Variants in JAM3 observed in about 807,000 individuals in gnomAD.
JAM3 encodes the protein junctional adhesion molecule 3, also known as junctional adhesion molecule C.
A neutral mutation model predicts 39.4 loss-of-function variants in JAM3; 31 were observed. The observed-to-expected ratio is 0.79, with a 90% CI of 0.59 to 1.06. JAM3 has a LOEUF of 1.06. JAM3 is among the 50% of genes least tolerant of loss of function. The probability of loss-of-function intolerance (pLI) is 0.00; values close to 1 mark genes in which losing one functional copy is unlikely to be tolerated. For missense variants in JAM3, 455 were observed against 391.4 expected, an observed-to-expected ratio of 1.16 and a Z score of -1.37; for synonymous variants, 182 against 148.7, an observed-to-expected ratio of 1.22 and a Z score of -1.63.
intron 1 of JAM3, among the ~76,000 whole-genome samples, chr11:134,104,241 C>G (rs1469759108): frequency 4.6e-5 from 7 of 152,150 alleles, no homozygotes; most frequent in Admixed American, 3.9e-4. Flanking sequence ...ACTGAACAAC[C>G]TGCTCCTGAA....
At chr11:134,077,123 C>T (rs1941583078) in intron 1 of JAM3, among the ~76,000 whole-genome samples, 1 of 152,106 alleles carries the variant, frequency 6.6e-6, no homozygotes, top group Non-Finnish European at 1.5e-5. Flanking sequence ...GCATGAGGCA[C>T]TGCACCCGGC....
At chr11:134,074,139 A>G (rs183864077) in intron 1 of JAM3, among the ~76,000 whole-genome samples, 2 of 152,360 alleles carry the variant, frequency 1.3e-5, no homozygotes, top group East Asian at 3.9e-4. Flanking sequence ...CGATTACACA[A>G]AACATCTATG....
At position 134,128,081 on chromosome 11, in the gene JAM3, G is replaced by A. The variant is rs573935797; in HGVS notation, c.77-11770G>A. On this transcript the variant is annotated intron_variant, in intron 1 of 8. Transcript: ENST00000299106. ...GTTGCTTACAGTTTAAAAAAAAAAG[G>A]AAAAGAAAGAAAAAAGAAAGGTTTT... Among the ~76,000 whole-genome samples the A allele has an allele frequency of 1.5e-4, 23 of 152,058 alleles. 1 individual carries two copies. Among genetic ancestry groups the A allele is most frequent in the Non-Finnish European group, 3.1e-4 (21 of 67,960 alleles).
chr11:134,142,318 T>A (rs944950009), intron 3 of JAM3, among the ~76,000 whole-genome samples: 34 of 151,948 alleles, frequency 2.2e-4, no homozygotes, highest in African/African-American at 8.2e-4. Flanking sequence ...CCTGGTGGGG[T>A]TTATTTACTC....
intron 1 of JAM3, among the ~76,000 whole-genome samples, chr11:134,125,162 C>G (rs1313843380): frequency 2.6e-5 from 4 of 152,220 alleles, no homozygotes; most frequent in Non-Finnish European, 4.4e-5. Context: ...GGCTACAGCC[C>G]GGCCGATCGT....
intron 1 of JAM3, among the ~76,000 whole-genome samples, chr11:134,120,584 C>A (rs1276621094): frequency 6.6e-6 from 1 of 152,202 alleles, no homozygotes; most frequent in Non-Finnish European, 1.5e-5. Context: ...ATGTTGGAAG[C>A]CTCCCGTCTC....
Position 134,099,764 on chromosome 11 carries a change from G to A in JAM3, c.76+30605G>A, listed in dbSNP as rs529657881. On this transcript the variant is annotated intron_variant, in intron 1 of 8. Coordinates refer to ENST00000299106, the MANE Select transcript of JAM3 (RefSeq NM_032801.5). ...TGGGATTACAGGTGTGCGCCACCAC[G>A]CCTGGCTAATTTTTGAATTTTTAGT... is the stretch of plus-strand genomic sequence containing the variant. 4.1e-4 allele frequency among the ~76,000 whole-genome samples: 62 copies of A among 152,168 alleles called. 1 individual carries two copies. The highest frequency in any genetic ancestry group is 1.2e-3 in the African/African-American group (51 of 41,502).
At position 134,144,975 on chromosome 11, in the gene JAM3, A is replaced by C; in HGVS notation, c.593A>C (p.Asn198Thr). ...PRFRNSSFHL[N>T]SETGTLVFTA... ...TTTCGCAATTCTTCTTTCCACTTAA[A>C]CTCTGAAACAGGCACTTTGGTAAGA... Residue 198 changes from asparagine (N) to threonine (T), a missense_variant, in exon 5 of 9, where the codon AAC (asparagine) becomes ACC (threonine). Asn to Thr is a moderately conservative substitution (Grantham distance 65). Transcript: ENST00000299106. The C allele has an allele frequency of 3.7e-6, 6 of 1,613,874 alleles. No homozygotes were observed. The highest frequency in any genetic ancestry group is 5.1e-6 in the Non-Finnish European group (6 of 1,179,828).
At chr11:134,127,644 G>A (rs1440211215) in intron 1 of JAM3, among the ~76,000 whole-genome samples, 1 of 152,250 alleles carries the variant, frequency 6.6e-6, no homozygotes, top group African/African-American at 2.4e-5. Flanking sequence ...AGGTTGCAAT[G>A]AGCTGAGATT....
intron 1 of JAM3, among the ~76,000 whole-genome samples, chr11:134,136,417 T>A (rs2120838583): frequency 6.6e-6 from 1 of 152,346 alleles, no homozygotes; most frequent in East Asian, 1.9e-4. Flanking sequence ...GTTAGATTTG[T>A]GCCTTCCAAT....
intron 2 of JAM3, 84 bp from the exon 3 acceptor site, chr11:134,140,573 A>G: frequency 8.9e-7 from 1 of 1,126,608 alleles, no homozygotes; most frequent in African/African-American, 1.5e-5. Context: ...GGCCTCTTGA[A>G]TTAGAGCTTG....
chr11:134,072,454 G>A (rs951212379), intron 1 of JAM3, among the ~76,000 whole-genome samples: 21 of 151,956 alleles, frequency 1.4e-4, no homozygotes, highest in African/African-American at 4.8e-4. Context: ...TTACAGATGC[G>A]TGCCACCTTG....
chr11:134,123,237 A>G (rs763549252), intron 1 of JAM3, among the ~76,000 whole-genome samples: 6 of 152,162 alleles, frequency 3.9e-5, no homozygotes, highest in Non-Finnish European at 5.9e-5. Context: ...TTATTTATTT[A>G]AAAGTGCCCA....
intron 1 of JAM3, among the ~76,000 whole-genome samples, chr11:134,076,878 A>G (rs969149660): frequency 7.7e-6 from 1 of 129,264 alleles, no homozygotes; most frequent in Non-Finnish European, 1.5e-5. Context: ...CTCTGTTTCC[A>G]GGCTGGAGTG....
At chr11:134,097,745 A>G (rs1942008069) in intron 1 of JAM3, among the ~76,000 whole-genome samples, 1 of 152,112 alleles carries the variant, frequency 6.6e-6, no homozygotes. Flanking sequence ...TTCTTGATTT[A>G]TTTTTATATT....
At chr11:134,087,140 G>A (rs1252550929) in intron 1 of JAM3, among the ~76,000 whole-genome samples, 1 of 151,946 alleles carries the variant, frequency 6.6e-6, no homozygotes, top group Non-Finnish European at 1.5e-5. Flanking sequence ...AACACGCTTA[G>A]TGAAATGAAG....
chr11:134,076,646 C>T (rs950529257), intron 1 of JAM3, among the ~76,000 whole-genome samples: 8 of 151,976 alleles, frequency 5.3e-5, no homozygotes, highest in Non-Finnish European at 8.8e-5. Context: ...CTAGGCCTAA[C>T]CTAAGGATAC....
chr11:134,127,663 G>A (rs1465905289), intron 1 of JAM3, among the ~76,000 whole-genome samples: 4 of 152,234 alleles, frequency 2.6e-5, no homozygotes, highest in African/African-American at 4.8e-5. Flanking sequence ...TTATGCCACT[G>A]CATTGCAGTC....
At chr11:134,138,105 G>A (rs529490872) in intron 1 of JAM3, among the ~76,000 whole-genome samples, 42 of 130,170 alleles carry the variant, frequency 3.2e-4, no homozygotes, top group African/African-American at 1.1e-3. Context: ...GTGGTGTCTC[G>A]TCTAAGTCAT....
Sources: gnomAD v4.1 joint callset for allele counts (sites outside exome capture counted in the v4.1 genomes callset) on GRCh38, gnomAD v4.1.1 for gene constraint, MANE v1.5 for transcripts, NCBI Gene and HGNC (gene_info 2026-07-23, HGNC 2026-07-21) for gene names.